TIAM1: variants seen among roughly 807,000 people sequenced by gnomAD.
The protein encoded by TIAM1 is rho guanine nucleotide exchange factor TIAM1.
Under a neutral mutation model 163.5 loss-of-function variants are expected in TIAM1, and 65 were observed. The ratio of observed to expected loss-of-function variants is 0.40; its 90% confidence interval spans 0.33 to 0.49. The LOEUF (loss-of-function observed/expected upper bound fraction) is 0.49. Ranked by LOEUF, TIAM1 falls within the 20% of genes least tolerant of loss-of-function variation. TIAM1 has a pLI of 0.77. For missense variants in TIAM1, 1,789 were observed against 2,044.7 expected (o/e 0.87, Z 2.41); for synonymous variants, 833 against 810.1 (o/e 1.03, Z -0.48).
At chr21:31,475,814 C>G (rs2045919237) in intron 1 of TIAM1, among the ~76,000 whole-genome samples, 1 of 152,194 alleles carries the variant, frequency 6.6e-6, no homozygotes, top group African/African-American at 2.4e-5. Context: ...CTGAGCAAAT[C>G]CTAATTCTAA....
chr21:31,545,348 G>C (rs1283483607), intron 1 of TIAM1, among the ~76,000 whole-genome samples: 3 of 152,170 alleles, frequency 2.0e-5, no homozygotes, highest in African/African-American at 4.8e-5. Flanking sequence ...TTGACACCTT[G>C]ATTACAGACT....
At chr21:31,492,800 C>T (rs953615916) in intron 1 of TIAM1, among the ~76,000 whole-genome samples, 3 of 151,536 alleles carry the variant, frequency 2.0e-5, no homozygotes, top group Admixed American at 6.6e-5. Context: ...CACACACACA[C>T]ACACACACAC....
At chr21:31,179,780 A>C (rs759971526) in intron 15 of TIAM1, among the ~76,000 whole-genome samples, 10 of 152,184 alleles carry the variant, frequency 6.6e-5, no homozygotes, top group Non-Finnish European at 1.5e-4. Flanking sequence ...GATATATATA[A>C]AATGCATTTT....
At chr21:31,415,376 G>A (rs866581477) in intron 2 of TIAM1, among the ~76,000 whole-genome samples, 1 of 152,148 alleles carries the variant, frequency 6.6e-6, no homozygotes, top group Non-Finnish European at 1.5e-5. Context: ...CATTGAGTTC[G>A]CTAATGAACC....
intron 2 of TIAM1, among the ~76,000 whole-genome samples, chr21:31,447,584 A>G (rs978970530): frequency 1.3e-5 from 2 of 152,174 alleles, no homozygotes; most frequent in Non-Finnish European, 1.5e-5. Context: ...TGTGTTAAAA[A>G]CTGAACTGTG....
intron 23 of TIAM1, among the ~76,000 whole-genome samples, chr21:31,133,532 G>A (rs974136540): frequency 6.6e-6 from 1 of 152,192 alleles, no homozygotes; most frequent in Non-Finnish European, 1.5e-5. Context: ...GTCCACTATC[G>A]GAGCCTGTGC....
rs958411534 is a variant in TIAM1 at position 31,395,735 on chromosome 21, A to T, written c.-368-56313T>A. Among the ~76,000 whole-genome samples the T allele has an allele frequency of 3.9e-5, 6 of 152,106 alleles. No individual in the cohort carries two copies. The highest frequency in any genetic ancestry group is 8.8e-5 in the Non-Finnish European group (6 of 68,012). ...GCGTTCCCCTGGCTGTCGCGTGAAA[A>T]TTTTTGCTTTATAAATTGGGGAGGT... On this transcript the variant is annotated intron_variant, in intron 2 of 28. Coordinates refer to the TIAM1 transcript ENST00000286827. The surrounding 1 kb of genome is among the most constrained non-coding windows in gnomAD (Gnocchi z 7.5).
At chr21:31,535,018 AG>A (rs2048082822) in intron 1 of TIAM1, among the ~76,000 whole-genome samples, 1 of 152,020 alleles carries the variant, frequency 6.6e-6, no homozygotes, top group South Asian at 2.1e-4. Context: ...TGAACCCAGG[AG>A]GTCAAAGCTG....
At chr21:31,510,299 G>C (rs1487634767) in intron 1 of TIAM1, among the ~76,000 whole-genome samples, 1 of 152,150 alleles carries the variant, frequency 6.6e-6, no homozygotes, top group African/African-American at 2.4e-5. Flanking sequence ...CCTCTCCTCT[G>C]TGCGTGCACA....
At chr21:31,248,082 C>A (rs1314733070) in intron 5 of TIAM1, among the ~76,000 whole-genome samples, 1 of 152,150 alleles carries the variant, frequency 6.6e-6, no homozygotes, top group Non-Finnish European at 1.5e-5. Context: ...ACAGCCCTCA[C>A]AACAAATAAT....
chr21:31,322,655 G>C (rs767063894), intron 2 of TIAM1, among the ~76,000 whole-genome samples: 1 of 152,134 alleles, frequency 6.6e-6, no homozygotes, highest in Non-Finnish European at 1.5e-5. Flanking sequence ...TCTGTGTCAC[G>C]ATGCATTGAC....
At chr21:31,146,445 T>TCA (rs2083118493) in intron 20 of TIAM1, among the ~76,000 whole-genome samples, 1 of 145,100 alleles carries the variant, frequency 6.9e-6, no homozygotes, top group Admixed American at 7.0e-5. Context: ...GAGCAGTGGC[T>TCA]CACGCCTGTA....
At chr21:31,482,060 A>AGTGTGTGTGT (rs10523425) in intron 1 of TIAM1, among the ~76,000 whole-genome samples, 9,825 of 145,548 alleles carry the variant, frequency 0.068, 428 homozygotes, top group African/African-American at 0.13. Flanking sequence ...ACTGGGACAA[A>AGTGTGTGTGT]GTGTGTGTGT....
At chr21:31,352,686 T>C (rs2076254504) in intron 2 of TIAM1, among the ~76,000 whole-genome samples, 1 of 151,572 alleles carries the variant, frequency 6.6e-6, no homozygotes, top group Non-Finnish European at 1.5e-5. Flanking sequence ...ACCTCATCTC[T>C]ACTTAAAAAT....
chr21:31,330,707 T>A (rs918492492), intron 2 of TIAM1, among the ~76,000 whole-genome samples: 7 of 152,180 alleles, frequency 4.6e-5, no homozygotes, highest in African/African-American at 1.7e-4. Flanking sequence ...CAAGGTTCTC[T>A]GTATGTTTTT....
chr21:31,242,409 G>C (rs1411075136), intron 6 of TIAM1, among the ~76,000 whole-genome samples: 2 of 152,094 alleles, frequency 1.3e-5, no homozygotes, highest in Admixed American at 1.3e-4. Flanking sequence ...TGTAGCCCCA[G>C]CTATTCAGGA....
At chr21:31,250,599 G>C (rs1175964831) in intron 5 of TIAM1, among the ~76,000 whole-genome samples, 2 of 152,144 alleles carry the variant, frequency 1.3e-5, no homozygotes, top group Admixed American at 6.5e-5. Context: ...AGTATCGAAC[G>C]GTCTAGTTTG....
chr21:31,524,143 G>A (rs76597179), intron 1 of TIAM1, among the ~76,000 whole-genome samples: 20,756 of 152,072 alleles, frequency 0.14, 1,966 homozygotes, highest in African/African-American at 0.25. Context: ...TTGCATTGCT[G>A]TAAGGAAATA....
chr21:31,504,474 A>C (rs1363508116), intron 1 of TIAM1, among the ~76,000 whole-genome samples: 3 of 152,222 alleles, frequency 2.0e-5, no homozygotes. Context: ...CCCTCCTCCA[A>C]GTTCAAGAAT....
Sources: allele counts gnomAD v4.1 joint callset (sites outside exome capture counted in the v4.1 genomes callset), GRCh38; gene constraint gnomAD v4.1.1; non-coding constraint Gnocchi (gnomAD v3.1); transcripts MANE v1.5; gene names NCBI Gene and HGNC (gene_info 2026-07-23, HGNC 2026-07-21).